Variants in OSBPL2 observed in about 807,000 individuals in gnomAD.
OSBPL2 encodes the protein oxysterol-binding protein-related protein 2.
A neutral mutation model predicts 58.4 loss-of-function variants in OSBPL2; 18 were observed. That is an observed-to-expected ratio of 0.31 (90% CI 0.21 to 0.46). The LOEUF (loss-of-function observed/expected upper bound fraction) is 0.46, where lower values mean the gene tolerates loss of function less well. Among genes scored for constraint, OSBPL2 ranks in the 20% least tolerant of loss-of-function variants. The probability of loss-of-function intolerance (pLI) is 1.00; values close to 1 mark genes in which losing one functional copy is unlikely to be tolerated. For missense variants in OSBPL2, 461 were observed against 616.5 expected (o/e 0.75, Z 2.67); for synonymous variants, 221 against 234.1 (o/e 0.94, Z 0.51).
intron 3 of OSBPL2, among the ~76,000 whole-genome samples, chr20:62,261,790 G>A (rs1981328965): frequency 6.6e-6 from 1 of 152,166 alleles, no homozygotes; most frequent in Admixed American, 6.5e-5. Context: ...GTTTGAGACG[G>A]AGTCTCACTC....
Position 62,273,971 on chromosome 20 carries a change from C to T in OSBPL2, c.491+565C>T, listed in dbSNP as rs913688771. On this transcript the variant is annotated intron_variant, in intron 6 of 13. Coordinates refer to ENST00000313733, the MANE Select transcript of OSBPL2 (RefSeq NM_144498.4). ...TCATCTCCAGACATCCCTGAAACTT[C>T]TTCCTATGGAACTTTCTTCTAGGCA... Among the ~76,000 whole-genome samples, 9 of 152,344 alleles carry T rather than the reference C, an allele frequency of 5.9e-5. No individual in the cohort carries two copies. The East Asian group carries it at 1.7e-3, about 29-fold the overall frequency.
intron 1 of OSBPL2, among the ~76,000 whole-genome samples, chr20:62,250,976 G>T (rs1980485689): frequency 6.6e-6 from 1 of 151,468 alleles, no homozygotes; most frequent in African/African-American, 2.4e-5. Context: ...AGAATAAAAT[G>T]GTTTCTAATT....
chr20:62,244,346 T>C (rs1601144028), intron 1 of OSBPL2, among the ~76,000 whole-genome samples: 1 of 152,202 alleles, frequency 6.6e-6, no homozygotes, highest in Admixed American at 6.5e-5. Context: ...GGGCCGTTGG[T>C]TTTGATCATC....
At chr20:62,261,326 A>G (rs1244824969) in intron 3 of OSBPL2, among the ~76,000 whole-genome samples, 1 of 151,470 alleles carries the variant, frequency 6.6e-6, no homozygotes, top group Non-Finnish European at 1.5e-5. Context: ...CAAAAAAAAA[A>G]AAAAAAAAAA....
Position 62,277,144 on chromosome 20 carries a change from G to A in OSBPL2, c.492-2013G>A, listed in dbSNP as rs552424381. On this transcript the variant is annotated intron_variant, in intron 6 of 13. Coordinates refer to ENST00000313733, the MANE Select transcript of OSBPL2 (RefSeq NM_144498.4). ...CGGGTGCCTGTAATCCCAGCTACTCGGGAGGCTGAGGCTGGAGAATCACTT... is the reference window on the plus strand; with the variant it reads ...CGGGTGCCTGTAATCCCAGCTACTCAGGAGGCTGAGGCTGGAGAATCACTT... Among the ~76,000 whole-genome samples the A allele has an allele frequency of 2.0e-3, 305 of 152,284 alleles. 1 individual carries two copies. The highest frequency in any genetic ancestry group is 5.6e-3 in the African/African-American group (233 of 41,568).
At chr20:62,283,955 C>T in intron 9 of OSBPL2, 91 bp from the exon 10 acceptor site, 3 of 1,310,136 alleles carry the variant, frequency 2.3e-6, no homozygotes, top group South Asian at 1.4e-5. Flanking sequence ...AGAAAACATA[C>T]CTGAGGGGAA....
rs1983302830 is a variant in OSBPL2, at chr20:62,288,739, C to T, written c.1126-468C>T. On this transcript the variant is annotated intron_variant, in intron 11 of 13. Transcript: ENST00000313733. The surrounding 1 kb of genome is among the most constrained non-coding windows in gnomAD (Gnocchi z 4.8). ...TCCTGGGCACGGGGGGACTGTCATACCCTAAGCATTCCAGTTGTTAATGTG... is the reference window on the plus strand; with the variant it reads ...TCCTGGGCACGGGGGGACTGTCATATCCTAAGCATTCCAGTTGTTAATGTG... 6.6e-6 allele frequency among the ~76,000 whole-genome samples: 1 copy of T among 152,134 alleles called. No individual in the cohort carries two copies. Among genetic ancestry groups the T allele is most frequent in the Admixed American group, 6.5e-5 (1 of 15,270 alleles).
chr20:62,257,159 C>T (rs1980978594), intron 2 of OSBPL2, among the ~76,000 whole-genome samples: 1 of 152,192 alleles, frequency 6.6e-6, no homozygotes, highest in Non-Finnish European at 1.5e-5. Flanking sequence ...AAGGACACGG[C>T]GATGGCTCCG....
intron 4 of OSBPL2, among the ~76,000 whole-genome samples, chr20:62,267,113 C>A (rs1006715856): frequency 6.6e-6 from 1 of 152,206 alleles, no homozygotes; most frequent in Non-Finnish European, 1.5e-5. Flanking sequence ...GGCATGGTGG[C>A]GCATGCCTGG....
At chr20:62,290,858 C>T (rs1205129064) in intron 12 of OSBPL2, among the ~76,000 whole-genome samples, 1 of 151,710 alleles carries the variant, frequency 6.6e-6, no homozygotes, top group Non-Finnish European at 1.5e-5. Context: ...CTGCCTCAGC[C>T]TCCCGAGTAG....
At chr20:62,265,268 C>T (rs1413147793) in intron 4 of OSBPL2, among the ~76,000 whole-genome samples, 2 of 152,146 alleles carry the variant, frequency 1.3e-5, no homozygotes, top group African/African-American at 2.4e-5. Flanking sequence ...TTAGTATGAA[C>T]TCATGAGCAT....
chr20:62,289,146 G>A (rs1983326710), intron 11 of OSBPL2, 61 bp from the exon 12 acceptor site: 1 of 1,585,468 alleles, frequency 6.3e-7, no homozygotes, highest in South Asian at 1.1e-5. Context: ...TGGGGGTCTT[G>A]GAGCATAGTC....
chr20:62,267,870 T>C (rs1045144526), intron 4 of OSBPL2, among the ~76,000 whole-genome samples: 2 of 132,054 alleles, frequency 1.5e-5, no homozygotes, highest in Non-Finnish European at 3.3e-5. Context: ...ATATCTCAAA[T>C]GTCTGCATTA....
chr20:62,243,433 C>T (rs866084106), intron 1 of OSBPL2, among the ~76,000 whole-genome samples: 3 of 139,652 alleles, frequency 2.1e-5, no homozygotes, highest in South Asian at 4.3e-4. Flanking sequence ...GCGCCTGCCC[C>T]GCAGCCCCTG....
Position 62,245,143 on chromosome 20 carries a change from G to GGCTGAAGTGCAGTGGC in OSBPL2, c.-129+6549_-129+6564dup, listed in dbSNP as rs1375399593. Reference sequence around the variant, plus strand: ...GACGGTGTCTTGCCTCTGTCGCCCAGGCTGAAGTGCAGTGGCGCGATCTCG... The same window carrying GGCTGAAGTGCAGTGGC: ...GACGGTGTCTTGCCTCTGTCGCCCAGGCTGAAGTGCAGTGGCGCTGAAGTGCAGTGGCGCGATCTCG... On this transcript the variant is annotated intron_variant, in intron 1 of 13. Coordinates refer to ENST00000313733, the MANE Select transcript of OSBPL2 (RefSeq NM_144498.4). Among the ~76,000 whole-genome samples the GGCTGAAGTGCAGTGGC allele has an allele frequency of 2.0e-5, 3 of 151,316 alleles. No homozygotes were observed. The East Asian group carries it at 5.8e-4, about 29-fold the overall frequency.
chr20:62,267,052 C>G (rs1416572605), intron 4 of OSBPL2, among the ~76,000 whole-genome samples: 1 of 152,194 alleles, frequency 6.6e-6, no homozygotes, highest in Non-Finnish European at 1.5e-5. Context: ...GGGTTCAGAA[C>G]CAGCCCGGGC....
chr20:62,272,079 T>G (rs1295416396), intron 4 of OSBPL2, 46 bp from the exon 5 acceptor site: 11 of 1,608,868 alleles, frequency 6.8e-6, no homozygotes, highest in Middle Eastern at 1.7e-4. Flanking sequence ...AGCCCAGCGG[T>G]GTCAGGAAGG....
chr20:62,268,049 ATT>A (rs149417240), intron 4 of OSBPL2, among the ~76,000 whole-genome samples: 1,889 of 116,124 alleles, frequency 0.016, 11 homozygotes, highest in Non-Finnish European at 0.024. Flanking sequence ...TGCCCGGCTA[ATT>A]TTTTTTTTTT....
At chr20:62,245,513 G>A (rs2145913387) in intron 1 of OSBPL2, among the ~76,000 whole-genome samples, 1 of 152,322 alleles carries the variant, frequency 6.6e-6, no homozygotes, top group East Asian at 1.9e-4. Context: ...AAGGCGGAGA[G>A]GTTGTTCAGG....
Sources: gnomAD v4.1 joint callset for allele counts (sites outside exome capture counted in the v4.1 genomes callset) on GRCh38, gnomAD v4.1.1 for gene constraint, Gnocchi (gnomAD v3.1) non-coding constraint, MANE v1.5 for transcripts, NCBI Gene and HGNC (gene_info 2026-07-23, HGNC 2026-07-21) for gene names.